Variants in NPEPPS observed in about 807,000 individuals in gnomAD.
NPEPPS encodes the protein aminopeptidase puromycin sensitive, also known as puromycin-sensitive aminopeptidase.
NPEPPS carries 14 observed loss-of-function variants against 115.5 expected under a neutral mutation model. That is an observed-to-expected ratio of 0.12 (90% CI 0.08 to 0.19). The LOEUF is 0.19. Ranked by LOEUF, NPEPPS falls within the 10% of genes least tolerant of loss-of-function variation. NPEPPS has a pLI of 1.00. For synonymous variants in NPEPPS, 285 were observed against 390.6 expected (o/e 0.73, Z 3.19); for missense variants, 523 against 1,110.8 (o/e 0.47, Z 7.52).
chr17:47,581,683 G>GGTTTGTTTGTTTGTTT, intron 4 of NPEPPS: 1 of 149,792 alleles, frequency 6.7e-6, no homozygotes, highest in Non-Finnish European at 1.5e-5. Flanking sequence ...CTACCTCTTT[G>GGTTTGTTTGTTTGTTT]GTTTGTTTGT....
chr17:47,605,612 T>A, intron 17 of NPEPPS, 60 bp downstream of exon 17: 1 of 1,008,812 alleles, frequency 9.9e-7, no homozygotes. Flanking sequence ...TTTATGTGGT[T>A]AACAATATAA....
At chr17:47,598,241 G>T (rs976733815) in intron 13 of NPEPPS, among the ~76,000 whole-genome samples, 6 of 152,034 alleles carry the variant, frequency 3.9e-5, no homozygotes, top group African/African-American at 1.4e-4. Context: ...GGGAGGCCAA[G>T]GTGGGAGGAT....
chr17:47,546,073 T>TGTGTGTGA lies in NPEPPS; in HGVS notation c.340+81_340+82insTGTGTGAG, dbSNP rs148357525. The TGTGTGTGA allele has an allele frequency of 7.8e-4, 982 of 1,264,672 alleles. 1 individual carries two copies. In the East Asian group the frequency reaches 9.2e-3, roughly 12 times the overall value. 78.3% of individuals were successfully genotyped at this position (1,264,672 alleles called of 1,614,324 possible). On this transcript the variant is annotated intron_variant, in intron 2 of 22. Coordinates refer to ENST00000322157, the MANE Select transcript of NPEPPS (RefSeq NM_006310.4). Reference sequence around the variant, plus strand: ...GTGTGTGTGTGTGTGTGTGTGTGTGTGAGAGAGAGAGAGAGAGAGACATTT... The same window carrying TGTGTGTGA: ...GTGTGTGTGTGTGTGTGTGTGTGTGTGTGTGTGAGAGAGAGAGAGAGAGAGAGACATTT...
chr17:47,566,594 G>A lies in NPEPPS; in HGVS notation c.341-2823G>A, dbSNP rs1390182468. On this transcript the variant is annotated intron_variant, in intron 2 of 22. Coordinates refer to ENST00000322157, the MANE Select transcript of NPEPPS (RefSeq NM_006310.4). Reference sequence around the variant, plus strand: ...CGGCTCACTGCAACCTCCGCTCCCAGGTTCAAGTGATTCTCCTGCCTCAGC... The same window carrying A: ...CGGCTCACTGCAACCTCCGCTCCCAAGTTCAAGTGATTCTCCTGCCTCAGC... Among the ~76,000 whole-genome samples, 7 of 150,240 alleles carry A rather than the reference G, an allele frequency of 4.7e-5. No individual in the cohort carries two copies. In the East Asian group the frequency reaches 1.2e-3, roughly 26 times the overall value.
In NPEPPS at chr17:47,543,855, A is replaced by G. The variant is rs1478294311; in HGVS notation, c.256-2054A>G. On this transcript the variant is annotated intron_variant, in intron 1 of 22. Coordinates refer to ENST00000322157, the MANE Select transcript of NPEPPS (RefSeq NM_006310.4). ...TTCTCTCATGTGTGCACAGGAAAAC[A>G]TGGACCAAGATGCTAGTTTGTTTGT... is the stretch of plus-strand genomic sequence containing the variant. Among the ~76,000 whole-genome samples, 5 of 150,810 alleles carry G rather than the reference A, an allele frequency of 3.3e-5. No homozygotes were observed. The East Asian group carries it at 5.9e-4, about 18-fold the overall frequency.
chr17:47,581,525 A>T (rs2143839124), intron 4 of NPEPPS: 1 of 152,280 alleles, frequency 6.6e-6, no homozygotes, highest in East Asian at 1.9e-4. Context: ...GTATAAATTC[A>T]TTTCTCTGCT....
Position 47,603,966 on chromosome 17 carries a change from C to G in NPEPPS, c.1792C>G (p.Leu598Val). 6.2e-7 allele frequency: 1 copy of G among 1,613,656 alleles called. No homozygotes were observed. Among genetic ancestry groups the G allele is most frequent in the Non-Finnish European group, 8.5e-7 (1 of 1,179,688 alleles). Residue 598 changes from leucine to valine, a missense_variant, in exon 16 of 23, where the codon CTG becomes GTG. Around this residue, in one of 4 missense-constraint regions of NPEPPS, gnomAD observed 372 missense variants for 542.6 expected, o/e 0.69. Transcript: ENST00000322157. ...TCGGACCCAGTACAGCTCTGCCATG[C>G]TGGAAAGTTTATTACCAGGCATTCG... ...FYRTQYSSAM[L>V]ESLLPGIRDL...
chr17:47,557,102 G>A (rs1220446852), intron 2 of NPEPPS, among the ~76,000 whole-genome samples: 1 of 151,750 alleles, frequency 6.6e-6, no homozygotes, highest in Admixed American at 6.6e-5. Context: ...TTTTTGAGAC[G>A]GAGTCTCACT....
chr17:47,566,666 A>G (rs1466287061), intron 2 of NPEPPS, among the ~76,000 whole-genome samples: 1 of 149,798 alleles, frequency 6.7e-6, no homozygotes, highest in Non-Finnish European at 1.5e-5. Flanking sequence ...CGCATGATCC[A>G]CCCACCTCGG....
At chr17:47,576,084 T>A (rs2067322814) in intron 3 of NPEPPS, among the ~76,000 whole-genome samples, 1 of 152,182 alleles carries the variant, frequency 6.6e-6, no homozygotes, top group Admixed American at 6.5e-5. Flanking sequence ...GTGTTTAGCC[T>A]CATCAAATTT....
chr17:47,558,683 C>T (rs1163502301), intron 2 of NPEPPS, among the ~76,000 whole-genome samples: 1 of 152,216 alleles, frequency 6.6e-6, no homozygotes, highest in African/African-American at 2.4e-5. Context: ...CCTGCTTTGG[C>T]CTGAAGTGCT....
intron 2 of NPEPPS, among the ~76,000 whole-genome samples, chr17:47,547,319 A>G (rs1263946025): frequency 6.6e-6 from 1 of 152,000 alleles, no homozygotes; most frequent in Non-Finnish European, 1.5e-5. Flanking sequence ...AACTCTTACA[A>G]GTACATCAGT....
chr17:47,523,331 A>T (rs1007058288), intron 1 of NPEPPS, among the ~76,000 whole-genome samples: 1 of 146,400 alleles, frequency 6.8e-6, no homozygotes, highest in African/African-American at 2.5e-5. Flanking sequence ...ACTTCTTTCG[A>T]TGACTTACAT....
chr17:47,614,394 G>T (rs1914065116), intron 19 of NPEPPS, among the ~76,000 whole-genome samples: 1 of 152,116 alleles, frequency 6.6e-6, no homozygotes, highest in Non-Finnish European at 1.5e-5. Context: ...CTGTGCTTAG[G>T]TTCTGTGCTT....
At chr17:47,539,695 C>T (rs911746132) in intron 1 of NPEPPS, among the ~76,000 whole-genome samples, 7 of 152,076 alleles carry the variant, frequency 4.6e-5, no homozygotes, top group African/African-American at 1.7e-4. Flanking sequence ...ACATCACATA[C>T]CAATATTCTG....
rs781122637 is a variant in NPEPPS, at chr17:47,586,633, A to G, written c.980+235A>G. ...TCTGGCGGTAGTAGCATTTTTAGAT[A>G]TATTCTTGGCTAAGTTTCTCATTGC... On this transcript the variant is annotated intron_variant, in intron 8 of 22. Transcript: ENST00000322157. 146 of 588,290 alleles carry G rather than the reference A, an allele frequency of 2.5e-4. 4 individuals are homozygous for G. The highest frequency in any genetic ancestry group is 2.1e-3 in the South Asian group (135 of 64,616). The allele number at this position is 588,290 out of a possible 1,614,324, so 36.4% of individuals were successfully genotyped here.
chr17:47,552,949 A>G (rs1053417188), intron 2 of NPEPPS, among the ~76,000 whole-genome samples: 3 of 152,186 alleles, frequency 2.0e-5, no homozygotes, highest in South Asian at 2.1e-4. Context: ...CCAGGATTCA[A>G]ACCCAGGCGG....
intron 3 of NPEPPS, among the ~76,000 whole-genome samples, chr17:47,577,830 C>T (rs577255681): frequency 1.3e-5 from 2 of 152,232 alleles, no homozygotes; most frequent in South Asian, 2.1e-4. Flanking sequence ...TCTGTAGACT[C>T]GCACTCCCCA....
intron 3 of NPEPPS, among the ~76,000 whole-genome samples, chr17:47,579,150 A>G (rs1380454242): frequency 6.6e-6 from 1 of 151,586 alleles, no homozygotes; most frequent in East Asian, 1.9e-4. Flanking sequence ...TTTGAGACTA[A>G]GTTAATAACT....
Sources: allele counts gnomAD v4.1 joint callset (sites outside exome capture counted in the v4.1 genomes callset), GRCh38; gene constraint gnomAD v4.1.1; regional missense constraint gnomAD v4.1.1; transcripts MANE v1.5; gene names NCBI Gene and HGNC (gene_info 2026-07-23, HGNC 2026-07-21).